Variants in PIK3C2A observed in about 807,000 individuals in gnomAD.
PIK3C2A encodes the protein phosphatidylinositol 4-phosphate 3-kinase C2 domain-containing subunit alpha.
A neutral mutation model predicts 204.5 loss-of-function variants in PIK3C2A; 97 were observed. The ratio of observed to expected loss-of-function variants is 0.47; its 90% confidence interval spans 0.40 to 0.56. The LOEUF is 0.56. PIK3C2A is among the 20% of genes least tolerant of loss of function. The pLI is 0.00. For missense variants in PIK3C2A, 1,735 were observed against 1,969.2 expected (o/e 0.88, Z 2.25); for synonymous variants, 653 against 664.4 (o/e 0.98, Z 0.26).
Position 17,092,014 on chromosome 11 carries a change from C to A in PIK3C2A, c.4624G>T (p.Gly1542Trp). The change falls in exon 30 of 33, where the codon GGG becomes TGG. Residue 1542 changes from glycine to tryptophan, a missense_variant. By Grantham distance (184) the Gly-to-Trp change is radical (BLOSUM62 -2). Around this residue, in one of 6 missense-constraint regions of PIK3C2A, gnomAD observed 503 missense variants for 669.0 expected, o/e 0.75. Coordinates refer to ENST00000691414, the MANE Select transcript of PIK3C2A (RefSeq NM_002645.4). ...ATCTCACCTGCAGACCTAGCTATCC[C>A]TTCAGCTTTCTCATCACGAAGTAAA... is the stretch of plus-strand genomic sequence containing the variant. ...HPLLRDEKAE[G>W]IARSADAGSF... 1 of 1,609,618 alleles carries A rather than the reference C, an allele frequency of 6.2e-7. No individual in the cohort carries two copies. The highest frequency in any genetic ancestry group is 8.5e-7 in the Non-Finnish European group (1 of 1,176,116).
chr11:17,105,309 T>TA lies in PIK3C2A; in HGVS notation c.3545-5dup, dbSNP rs780716390. 22 of 1,602,528 alleles carry TA rather than the reference T, an allele frequency of 1.4e-5. No individual in the cohort carries two copies. In the East Asian group the frequency reaches 4.5e-4, roughly 33 times the overall value. ...GCAGGAACCAGCTCCACCATGCCTT[T>TA]AATGATAAAATATTAAGCTATGTAA... On this transcript the variant is annotated splice_polypyrimidine_tract_variant and splice_region_variant and intron_variant, in intron 22 of 32. Transcript: ENST00000691414.
chr11:17,152,318 CT>C (rs2137439434), intron 3 of PIK3C2A, among the ~76,000 whole-genome samples: 1 of 152,086 alleles, frequency 6.6e-6, no homozygotes, highest in African/African-American at 2.4e-5. Context: ...CACTAATTAC[CT>C]TTTTCTGTAA....
At chr11:17,153,255 A>G (rs1850476355) in intron 3 of PIK3C2A, among the ~76,000 whole-genome samples, 1 of 152,066 alleles carries the variant, frequency 6.6e-6, no homozygotes, top group African/African-American at 2.4e-5. Context: ...AATGTAGTGA[A>G]ACCTCGTTTC....
At chr11:17,122,840 G>T (rs768103426) in intron 13 of PIK3C2A, 27 bp from the exon 14 acceptor site, 15 of 927,682 alleles carry the variant, frequency 1.6e-5, no homozygotes, top group South Asian at 1.4e-4. Flanking sequence ...ATAATAATGT[G>T]ATTTTCATTT....
At position 17,169,409 on chromosome 11, in the gene PIK3C2A, A is replaced by C. The variant is rs756334136; in HGVS notation, c.333T>G (p.Thr111=). 1 of 1,614,090 alleles carries C rather than the reference A, an allele frequency of 6.2e-7. No homozygotes were observed. Among genetic ancestry groups the C allele is most frequent in the East Asian group, 2.2e-5 (1 of 44,882 alleles). Residue 111 remains threonine (T), a synonymous_variant, in exon 2 of 33, where the codon ACT becomes ACG. Coordinates refer to ENST00000691414, the MANE Select transcript of PIK3C2A (RefSeq NM_002645.4). ...EKLLLDDSFE[T]KKTPVLPVTP... is the part of the protein sequence containing the mutation. ...TAACTGGTAATACAGGTGTTTTTTT[A>C]GTCTCGAAACTGTCATCCAGCAATA...
chr11:17,147,530 T>C lies in PIK3C2A; in HGVS notation c.1547A>G (p.Asn516Ser), dbSNP rs776718286. ...QLLTFSAMCQ[N>S]LARTAEDDET... Reference sequence around the variant, plus strand: ...GTACACACTTACTGTTCGGGCCAGATTTTGACACATTGCACTGAAGGTCAA... The same window carrying C: ...GTACACACTTACTGTTCGGGCCAGACTTTGACACATTGCACTGAAGGTCAA... Residue 516 changes from asparagine to serine, a missense_variant, in exon 6 of 33, where the codon AAT becomes AGT. Asn to Ser is a conservative substitution (Grantham distance 46). This residue lies in a region of PIK3C2A where 106 missense variants were observed against 108.2 expected (regional missense o/e 0.98). Transcript: ENST00000691414. 1 of 1,599,704 alleles carries C rather than the reference T, an allele frequency of 6.3e-7. No homozygotes were observed. Among genetic ancestry groups the C allele is most frequent in the Non-Finnish European group, 8.6e-7 (1 of 1,166,894 alleles).
chr11:17,169,382 A>G lies in PIK3C2A; in HGVS notation c.360T>C (p.Thr120=). The G allele has an allele frequency of 6.2e-7, 1 of 1,614,038 alleles. No individual in the cohort carries two copies. Among genetic ancestry groups the G allele is most frequent in the South Asian group, 1.1e-5 (1 of 91,068 alleles). Residue 120 remains threonine (T), a synonymous_variant, in exon 2 of 33, where the codon ACT becomes ACC. Transcript: ENST00000691414. The part of the protein sequence containing the change: ...ETKKTPVLPV[T]PILSPSFSAQ... ...CTGAAAAGGAAGGGCTCAGAATAGG[A>G]GTAACTGGTAATACAGGTGTTTTTT...
chr11:17,206,801 C>A (rs1390556154), intron 1 of PIK3C2A, among the ~76,000 whole-genome samples: 1 of 152,146 alleles, frequency 6.6e-6, no homozygotes, highest in Non-Finnish European at 1.5e-5. Context: ...TATGCTGTGG[C>A]CTTTGATGCT....
At chr11:17,153,028 A>G (rs567675471) in intron 3 of PIK3C2A, among the ~76,000 whole-genome samples, 12 of 152,322 alleles carry the variant, frequency 7.9e-5, no homozygotes, top group Admixed American at 1.3e-4. Flanking sequence ...TGAATACTAT[A>G]TGACCATAAA....
At chr11:17,126,355 A>C (rs1484155259) in intron 13 of PIK3C2A, among the ~76,000 whole-genome samples, 1 of 152,138 alleles carries the variant, frequency 6.6e-6, no homozygotes, top group African/African-American at 2.4e-5. Flanking sequence ...CAGGAGTTTG[A>C]GACCAGCCTG....
At position 17,094,191 on chromosome 11, in the gene PIK3C2A, G is replaced by A. The variant is rs1006586590; in HGVS notation, c.4451+70C>T. 34 of 1,209,022 alleles carry A rather than the reference G, an allele frequency of 2.8e-5. 1 individual carries two copies. Among genetic ancestry groups the A allele is most frequent in the Middle Eastern group, 5.1e-4 (2 of 3,890 alleles). The allele number at this position is 1,209,022 out of a possible 1,614,324, so 74.9% of individuals were successfully genotyped here. ...ATATCTTACTAAGTGTTAACACAAA[G>A]CTTTCTACCTACATTTGATAACAAG... On this transcript the variant is annotated intron_variant, in intron 28 of 32. Transcript: ENST00000691414.
chr11:17,093,088 G>A (rs779867017), intron 28 of PIK3C2A, among the ~76,000 whole-genome samples: 8 of 152,184 alleles, frequency 5.3e-5, no homozygotes, highest in Admixed American at 1.3e-4. Flanking sequence ...AACTGTACAC[G>A]GAAACAAACT....
chr11:17,162,859 CTCTT>C (rs1193509918), intron 2 of PIK3C2A, among the ~76,000 whole-genome samples: 44 of 152,166 alleles, frequency 2.9e-4, no homozygotes, highest in Non-Finnish European at 2.2e-4. Context: ...CATGAAATGT[CTCTT>C]TCTAAGTTCC....
chr11:17,113,744 T>C (rs896933109), intron 20 of PIK3C2A, among the ~76,000 whole-genome samples: 1 of 141,766 alleles, frequency 7.1e-6, no homozygotes, highest in Admixed American at 7.4e-5. Context: ...ATTGCACCAT[T>C]GCATTCCAGC....
intron 22 of PIK3C2A, among the ~76,000 whole-genome samples, chr11:17,109,801 GC>G (rs1250083628): frequency 1.3e-5 from 2 of 152,122 alleles, no homozygotes; most frequent in African/African-American, 4.8e-5. Context: ...CTCCTAAAAT[GC>G]TGGGATTACA....
At chr11:17,110,874 T>C (rs1848980332) in intron 21 of PIK3C2A, among the ~76,000 whole-genome samples, 1 of 152,200 alleles carries the variant, frequency 6.6e-6, no homozygotes. Context: ...GGTTCAGTTT[T>C]ATGGTATGTG....
At chr11:17,175,106 C>A (rs1459613145) in intron 1 of PIK3C2A, among the ~76,000 whole-genome samples, 1 of 152,094 alleles carries the variant, frequency 6.6e-6, no homozygotes, top group Non-Finnish European at 1.5e-5. Context: ...AATTTATTCA[C>A]AGGAGAATAC....
At chr11:17,093,255 C>T (rs979647462) in intron 28 of PIK3C2A, among the ~76,000 whole-genome samples, 2 of 152,110 alleles carry the variant, frequency 1.3e-5, no homozygotes, top group Non-Finnish European at 1.5e-5. Context: ...TTGACAGTCT[C>T]GATGATGTTT....
At chr11:17,165,388 A>G (rs1340751015) in intron 2 of PIK3C2A, among the ~76,000 whole-genome samples, 4 of 152,162 alleles carry the variant, frequency 2.6e-5, no homozygotes, top group Non-Finnish European at 1.5e-5. Context: ...ACATATAACT[A>G]AATTTGGGAA....
Sources: gnomAD v4.1 joint callset for allele counts (sites outside exome capture counted in the v4.1 genomes callset) on GRCh38, gnomAD v4.1.1 for gene constraint, gnomAD v4.1.1 regional missense constraint, MANE v1.5 for transcripts, NCBI Gene and HGNC (gene_info 2026-07-23, HGNC 2026-07-21) for gene names.